The following PDZRN4 variants were observed in gnomAD, a reference collection of about 807,000 sequenced individuals.
PDZRN4 encodes PDZ domain-containing RING finger protein 4.
Under a neutral mutation model 99.0 loss-of-function variants are expected in PDZRN4, and 70 were observed. That is an observed-to-expected ratio of 0.71 (90% CI 0.58 to 0.86). PDZRN4 has a LOEUF of 0.86. Ranked by LOEUF, PDZRN4 falls within the 40% of genes least tolerant of loss-of-function variation. The pLI, the probability that PDZRN4 is intolerant of heterozygous loss-of-function variation, is 0.00. For synonymous variants in PDZRN4, 551 were observed against 501.6 expected, an observed-to-expected ratio of 1.10 and a Z score of -1.32; for missense variants, 1,474 against 1,331.2, an observed-to-expected ratio of 1.11 and a Z score of -1.67.
Position 41,506,704 on chromosome 12 carries a change from C to G in PDZRN4, c.1092C>G (p.Leu364=), listed in dbSNP as rs1340417193. 1.2e-6 allele frequency: 2 copies of G among 1,606,120 alleles called. No homozygotes were observed. The highest frequency in any genetic ancestry group is 1.7e-6 in the Non-Finnish European group (2 of 1,175,622). Residue 364 remains leucine, a synonymous_variant, in exon 4 of 10, where the codon CTC becomes CTG. Coordinates refer to ENST00000402685, the MANE Select transcript of PDZRN4 (RefSeq NM_001164595.2). ...PPVPDICPFL[L]SDSCHSLHPM... ...TGCCAGACATCTGTCCATTCCTGCTCTCAGACAGGTATTTTTCTATCATTT... is the reference window on the plus strand; with the variant it reads ...TGCCAGACATCTGTCCATTCCTGCTGTCAGACAGGTATTTTTCTATCATTT...
chr12:41,319,437 A>G lies in PDZRN4; in HGVS notation c.843+125249A>G, dbSNP rs554570501. Among the ~76,000 whole-genome samples the G allele has an allele frequency of 7.2e-5, 11 of 152,220 alleles. No individual in the cohort carries two copies. The East Asian group carries it at 2.1e-3, about 29-fold the overall frequency. On this transcript the variant is annotated intron_variant, in intron 3 of 9. Coordinates refer to ENST00000402685, the MANE Select transcript of PDZRN4 (RefSeq NM_001164595.2). ...CTGGGTTCTCAGTGTTTGTGGCCAC[A>G]GTCTCACAGCCTCCCATGAATACAG...
chr12:41,289,334 C>T lies in PDZRN4; in HGVS notation c.843+95146C>T, dbSNP rs115166096. Among the ~76,000 whole-genome samples the T allele has an allele frequency of 8.7e-3, 1,319 of 152,230 alleles. 22 individuals carry two copies. The highest frequency in any genetic ancestry group is 0.03 in the African/African-American group (1,261 of 41,542). ...ATTCAAACTAATTAGAGTCATAAAA[C>T]TATAATAATAGTACATTTTAATCCA... On this transcript the variant is annotated intron_variant, in intron 3 of 9. Transcript: ENST00000402685.
chr12:41,549,569 G>T (rs1939018159), intron 5 of PDZRN4, among the ~76,000 whole-genome samples: 1 of 152,144 alleles, frequency 6.6e-6, no homozygotes, highest in South Asian at 2.1e-4. Flanking sequence ...TGGTTTGCAG[G>T]TTCCAGAAAA....
At chr12:41,549,248 G>T (rs182222691) in intron 5 of PDZRN4, among the ~76,000 whole-genome samples, 71 of 152,282 alleles carry the variant, frequency 4.7e-4, no homozygotes, top group Non-Finnish European at 5.9e-5. Flanking sequence ...TATGAAAGTT[G>T]TTAGGGAAAA....
chr12:41,194,528 C>T (rs951657169), intron 3 of PDZRN4, among the ~76,000 whole-genome samples: 4 of 152,246 alleles, frequency 2.6e-5, no homozygotes, highest in Non-Finnish European at 5.9e-5. Flanking sequence ...ATGGTCCCAG[C>T]TACTCAGGAG....
intron 3 of PDZRN4, among the ~76,000 whole-genome samples, chr12:41,431,174 T>G (rs1389302476): frequency 6.6e-6 from 1 of 152,148 alleles, no homozygotes; most frequent in East Asian, 1.9e-4. Context: ...AAATTGAAAA[T>G]GAAAGTCATC....
chr12:41,469,836 G>A (rs2733277), intron 3 of PDZRN4, among the ~76,000 whole-genome samples: 149,657 of 152,278 alleles, frequency 0.98, 73,550 homozygotes, highest in East Asian at 1. Context: ...AGGCTGAGGC[G>A]GGAGAATGGT....
intron 3 of PDZRN4, among the ~76,000 whole-genome samples, chr12:41,425,245 A>T (rs532250896): frequency 1.1e-3 from 173 of 152,038 alleles, no homozygotes; most frequent in African/African-American, 4.1e-3. Context: ...ATTAAAAATG[A>T]AAGACCTAAA....
At chr12:41,429,065 T>C (rs1046410368) in intron 3 of PDZRN4, among the ~76,000 whole-genome samples, 1 of 152,216 alleles carries the variant, frequency 6.6e-6, no homozygotes, top group South Asian at 2.1e-4. Flanking sequence ...TAGAATTTAA[T>C]ATGTTTTTAA....
intron 3 of PDZRN4, among the ~76,000 whole-genome samples, chr12:41,408,923 C>G (rs939499109): frequency 2.6e-5 from 4 of 151,908 alleles, no homozygotes; most frequent in Non-Finnish European, 4.4e-5. Context: ...TTAATGCTTG[C>G]TTGAATGAAA....
chr12:41,231,991 T>C (rs942887158), intron 3 of PDZRN4, among the ~76,000 whole-genome samples: 2 of 152,032 alleles, frequency 1.3e-5, no homozygotes, highest in Admixed American at 6.6e-5. Context: ...AATAAGTGAA[T>C]TATTTGAAGA....
chr12:41,232,080 A>G (rs896309507), intron 3 of PDZRN4, among the ~76,000 whole-genome samples: 2 of 129,754 alleles, frequency 1.5e-5, no homozygotes, highest in African/African-American at 2.6e-5. Flanking sequence ...CTAAGAGGCC[A>G]GTTTTAGAAA....
chr12:41,486,770 T>C (rs995614171), intron 3 of PDZRN4, among the ~76,000 whole-genome samples: 10 of 152,146 alleles, frequency 6.6e-5, no homozygotes, highest in African/African-American at 2.4e-4. Flanking sequence ...CCTGTCCACA[T>C]AGTGGCCTAG....
At chr12:41,237,952 C>T (rs184618889) in intron 3 of PDZRN4, among the ~76,000 whole-genome samples, 4 of 152,186 alleles carry the variant, frequency 2.6e-5, no homozygotes, top group African/African-American at 9.6e-5. Flanking sequence ...GCTACTCAGG[C>T]TCTTTTTTCT....
chr12:41,221,095 C>A (rs921493359), intron 3 of PDZRN4, among the ~76,000 whole-genome samples: 1 of 152,184 alleles, frequency 6.6e-6, no homozygotes, highest in Non-Finnish European at 1.5e-5. Context: ...CTCTTTCCTG[C>A]TCACATGTCA....
intron 3 of PDZRN4, among the ~76,000 whole-genome samples, chr12:41,430,940 G>A (rs565363784): frequency 6.6e-6 from 1 of 152,140 alleles, no homozygotes; most frequent in Non-Finnish European, 1.5e-5. Context: ...ATCTCACATG[G>A]TGAGAGCAGG....
At chr12:41,466,203 T>C (rs1324944049) in intron 3 of PDZRN4, among the ~76,000 whole-genome samples, 2 of 152,092 alleles carry the variant, frequency 1.3e-5, no homozygotes, top group African/African-American at 4.8e-5. Flanking sequence ...TCATTAAAGA[T>C]GGCTGGATGT....
intron 3 of PDZRN4, among the ~76,000 whole-genome samples, chr12:41,460,633 T>C (rs1042554081): frequency 6.6e-6 from 1 of 152,206 alleles, no homozygotes; most frequent in Non-Finnish European, 1.5e-5. Flanking sequence ...AGTTGTGACG[T>C]ATTTTGCAAA....
chr12:41,291,400 C>G (rs1951455941), intron 3 of PDZRN4, among the ~76,000 whole-genome samples: 1 of 152,064 alleles, frequency 6.6e-6, no homozygotes, highest in Non-Finnish European at 1.5e-5. Flanking sequence ...CAGTTTTACC[C>G]CTAATTTCTT....
Sources: gnomAD v4.1 joint callset for allele counts (sites outside exome capture counted in the v4.1 genomes callset) on GRCh38, gnomAD v4.1.1 for gene constraint, MANE v1.5 for transcripts, NCBI Gene and HGNC (gene_info 2026-07-23, HGNC 2026-07-21) for gene names.